Variants in NCAPD2 observed in about 807,000 individuals in gnomAD.
The protein encoded by NCAPD2 is condensin complex subunit 1.
A neutral mutation model predicts 164.5 loss-of-function variants in NCAPD2; 100 were observed. That is an observed-to-expected ratio of 0.61 (90% CI 0.52 to 0.72). The LOEUF (loss-of-function observed/expected upper bound fraction) is 0.72, where lower values mean the gene tolerates loss of function less well. NCAPD2 is among the 30% of genes least tolerant of loss of function. The pLI is 0.00. For synonymous variants in NCAPD2, 585 were observed against 642.6 expected, an observed-to-expected ratio of 0.91 and a Z score of 1.36; for missense variants, 1,560 against 1,749.2, an observed-to-expected ratio of 0.89 and a Z score of 1.93.
chr12:6,529,742 C>T (rs1384330894), intron 28 of NCAPD2, 33 bp from the exon 29 acceptor site: 3 of 1,603,868 alleles, frequency 1.9e-6, no homozygotes, highest in African/African-American at 1.3e-5. Flanking sequence ...AGCTGGATCT[C>T]CCAGTTCCTC....
intron 2 of NCAPD2, among the ~76,000 whole-genome samples, chr12:6,501,962 GA>G (rs1946042238): frequency 1.3e-5 from 2 of 152,202 alleles, no homozygotes; most frequent in African/African-American, 2.4e-5. Context: ...AGCCTGCTAG[GA>G]ATAGGTTTTT....
Position 6,521,034 on chromosome 12 carries a change from C to T in NCAPD2, c.1638C>T (p.Ser546=), listed in dbSNP as rs201345518. ...AAGCCACAGGCCACTTCCAGGAGTCCGAACCCTTCAGTCATATAGACCCAG... is the reference window on the plus strand; with the variant it reads ...AAGCCACAGGCCACTTCCAGGAGTCTGAACCCTTCAGTCATATAGACCCAG... ...TREATGHFQE[S]EPFSHIDPEE... Residue 546 remains serine (S), a synonymous_variant, in exon 14 of 32, where the codon TCC becomes TCT. Coordinates refer to ENST00000315579, the MANE Select transcript of NCAPD2 (RefSeq NM_014865.4). 177 of 1,614,010 alleles carry T rather than the reference C, an allele frequency of 1.1e-4. No individual in the cohort carries two copies. Among genetic ancestry groups the T allele is most frequent in the Non-Finnish European group, 1.4e-4 (166 of 1,180,004 alleles).
At position 6,514,923 on chromosome 12, in the gene NCAPD2, A is replaced by C; in HGVS notation, c.987+3A>C. The C allele has an allele frequency of 6.2e-7, 1 of 1,614,198 alleles. No individual in the cohort carries two copies. The highest frequency in any genetic ancestry group is 2.2e-5 in the East Asian group (1 of 44,888). The stretch of plus-strand genomic sequence containing the variant: ...TGCTAGATCACCTGGATGGAGAAGT[A>C]GGTGGTCCACTAGGGGTCACTGAGC... On this transcript the variant is annotated splice_donor_region_variant and intron_variant, in intron 9 of 31. Coordinates refer to ENST00000315579, the MANE Select transcript of NCAPD2 (RefSeq NM_014865.4).
rs1371471081 is a variant in NCAPD2 at position 6,516,970 on chromosome 12, A to G, written c.1130A>G (p.Asn377Ser). 1.5e-5 allele frequency: 24 copies of G among 1,613,594 alleles called. No homozygotes were observed. In the Admixed American group the frequency reaches 1.5e-4, roughly 10 times the overall value. Reference sequence around the variant, plus strand: ...TTACAAGCCCATGGCCATGATGTCAACTCCTTTGTGCGGAGCCGTGTTTTG... The same window carrying G: ...TTACAAGCCCATGGCCATGATGTCAGCTCCTTTGTGCGGAGCCGTGTTTTG... ...DTLQAHGHDV[N>S]SFVRSRVLQL... The change falls in exon 10 of 32, where the codon AAC (asparagine) becomes AGC (serine). Residue 377 changes from asparagine to serine, a missense_variant. Asn to Ser is a conservative substitution (Grantham distance 46). Coordinates refer to ENST00000315579, the MANE Select transcript of NCAPD2 (RefSeq NM_014865.4).
intron 1 of NCAPD2, among the ~76,000 whole-genome samples, chr12:6,494,370 C>T (rs1054186498): frequency 4.6e-5 from 2 of 43,444 alleles, no homozygotes; most frequent in African/African-American, 1.7e-4. Context: ...TTAACAGATC[C>T]GCAACGGAAG....
chr12:6,521,977 C>A lies in NCAPD2; in HGVS notation c.1894C>A (p.Arg632=), dbSNP rs778450010. Residue 632 remains arginine, a synonymous_variant, in exon 15 of 32, where the codon CGG becomes AGG. Coordinates refer to ENST00000315579, the MANE Select transcript of NCAPD2 (RefSeq NM_014865.4). ...TCTGCAGGATGCCTACAGCTTCTCC[C>A]GGAAGATTACAGAGGCCATTGGCAT... is the stretch of plus-strand genomic sequence containing the variant. ...QYLQDAYSFS[R]KITEAIGIIS... 6.2e-7 allele frequency: 1 copy of A among 1,613,894 alleles called. No homozygotes were observed.
intron 18 of NCAPD2, 52 bp from the exon 19 acceptor site, chr12:6,526,016 C>G: frequency 6.3e-7 from 1 of 1,598,462 alleles, no homozygotes; most frequent in South Asian, 1.1e-5. Context: ...CCTTTCTCCC[C>G]CGATGAGTCC....
intron 14 of NCAPD2, among the ~76,000 whole-genome samples, 189 bp downstream of exon 14, chr12:6,521,299 G>A (rs545173062): frequency 1.2e-4 from 18 of 152,246 alleles, no homozygotes; most frequent in Non-Finnish European, 2.5e-4. Flanking sequence ...CAGGGTGACT[G>A]TCCAGACCAT....
chr12:6,510,025 G>A (rs757821290), intron 3 of NCAPD2, 50 bp from the exon 4 acceptor site: 4 of 1,554,226 alleles, frequency 2.6e-6, no homozygotes, highest in Middle Eastern at 1.7e-4. Flanking sequence ...GTTAGAAGGG[G>A]CTCTGCAGGC....
intron 2 of NCAPD2, among the ~76,000 whole-genome samples, chr12:6,495,811 G>C (rs1324847519): frequency 1.3e-5 from 2 of 152,148 alleles, no homozygotes; most frequent in African/African-American, 4.8e-5. Flanking sequence ...GAGGTATAGA[G>C]ATTAAAGACT....
rs964950172 is a variant in NCAPD2, at chr12:6,517,352, C to T, written c.1186-13C>T. On this transcript the variant is annotated splice_polypyrimidine_tract_variant and intron_variant, in intron 10 of 31. Coordinates refer to ENST00000315579, the MANE Select transcript of NCAPD2 (RefSeq NM_014865.4). ...GGGACTTGAGCAGATTCTTCTCTTC[C>T]TACCCTACACAGGCTCTCCCCCTGA... The T allele has an allele frequency of 1.2e-6, 2 of 1,612,200 alleles. No individual in the cohort carries two copies. The highest frequency in any genetic ancestry group is 1.3e-5 in the African/African-American group (1 of 74,798).
intron 14 of NCAPD2, among the ~76,000 whole-genome samples, chr12:6,521,579 T>C (rs1438418555): frequency 1.8e-5 from 1 of 55,960 alleles, no homozygotes; most frequent in African/African-American, 2.3e-4. Flanking sequence ...TCCCAACTGC[T>C]CAGGAGCTGA....
chr12:6,529,648 A>G (rs1369816542), intron 28 of NCAPD2, 55 bp downstream of exon 28: 2 of 1,606,030 alleles, frequency 1.2e-6, no homozygotes, highest in African/African-American at 2.7e-5. Flanking sequence ...GCAGGGGAGA[A>G]AGGCCCATCC....
intron 2 of NCAPD2, among the ~76,000 whole-genome samples, chr12:6,507,548 G>A (rs944166173): frequency 3.9e-5 from 6 of 152,294 alleles, no homozygotes; most frequent in East Asian, 1.9e-4. Flanking sequence ...CCCATTTGCC[G>A]GGGTCGGGTT....
chr12:6,517,221 A>G (rs1322411978), intron 10 of NCAPD2, 144 bp from the exon 11 acceptor site: 2 of 1,326,814 alleles, frequency 1.5e-6, no homozygotes, highest in African/African-American at 1.5e-5. Context: ...TCTTACCACT[A>G]CAAGGAGTAC....
intron 2 of NCAPD2, among the ~76,000 whole-genome samples, chr12:6,506,968 C>T (rs1359157726): frequency 6.6e-6 from 1 of 152,190 alleles, no homozygotes; most frequent in East Asian, 1.9e-4. Flanking sequence ...CCTTACTTTT[C>T]TCCAGTGAGA....
At position 6,531,143 on chromosome 12, in the gene NCAPD2, T is replaced by C. The variant is rs1946369325; in HGVS notation, c.4120+67T>C. The C allele has an allele frequency of 2.5e-6, 4 of 1,594,142 alleles. No homozygotes were observed. The highest frequency in any genetic ancestry group is 2.2e-5 in the South Asian group (2 of 89,254). On this transcript the variant is annotated intron_variant, in intron 31 of 31. Coordinates refer to ENST00000315579, the MANE Select transcript of NCAPD2 (RefSeq NM_014865.4). This position sits in a 1 kb window ranked among gnomAD's most constrained non-coding sequence, Gnocchi z 4.1. ...CTAGGGTGCAGAGGGCTGGTTTCCA[T>C]AGGACCTGCTGCGGGGGCCTGAGTG...
Position 6,526,162 on chromosome 12 carries a change from G to A in NCAPD2, c.2443G>A (p.Val815Met). ...FPQDYRLAQQ[V>M]CHAIANISDR... ...ACAGGACTACAGGCTGGCCCAGCAG[G>A]TGTGCCATGCCATTGCCAACATCTC... The change falls in exon 19 of 32, where the codon GTG (valine) becomes ATG (methionine). Residue 815 changes from valine (V) to methionine (M), a missense_variant. Val to Met is a conservative substitution (Grantham distance 21). Coordinates refer to ENST00000315579, the MANE Select transcript of NCAPD2 (RefSeq NM_014865.4). 6.2e-7 allele frequency: 1 copy of A among 1,614,206 alleles called. No homozygotes were observed. The highest frequency in any genetic ancestry group is 1.3e-5 in the African/African-American group (1 of 75,060).
Position 6,530,684 on chromosome 12 carries a change from C to A in NCAPD2, c.3838-7C>A. The A allele has an allele frequency of 6.2e-7, 1 of 1,613,784 alleles. No homozygotes were observed. The highest frequency in any genetic ancestry group is 1.1e-5 in the South Asian group (1 of 90,986). On this transcript the variant is annotated splice_region_variant and splice_polypyrimidine_tract_variant and intron_variant, in intron 29 of 31. Coordinates refer to ENST00000315579, the MANE Select transcript of NCAPD2 (RefSeq NM_014865.4). ...GGCCTGCTCTGAATCTCCTTTTCTC[C>A]CTCCAGGCTATAATAGATGAATTTG...
Sources: allele counts gnomAD v4.1 joint callset (sites outside exome capture counted in the v4.1 genomes callset), GRCh38; gene constraint gnomAD v4.1.1; non-coding constraint Gnocchi (gnomAD v3.1); transcripts MANE v1.5; gene names NCBI Gene and HGNC (gene_info 2026-07-23, HGNC 2026-07-21).